Variants in ZNF592 observed in about 807,000 individuals in gnomAD.
The protein encoded by ZNF592 is spinocerebellar ataxia, autosomal recessive 5.
ZNF592 carries 11 observed loss-of-function variants against 80.3 expected under a neutral mutation model. That is an observed-to-expected ratio of 0.14 (90% CI 0.09 to 0.23). The LOEUF is 0.23. Ranked by LOEUF, ZNF592 falls within the 10% of genes least tolerant of loss-of-function variation. The pLI is 1.00. For missense variants in ZNF592, 1,420 were observed against 1,633.9 expected (o/e 0.87, Z 2.26); for synonymous variants, 646 against 640.3 (o/e 1.01, Z -0.13).
At chr15:84,753,763 A>G (rs913337662) in intron 1 of ZNF592, among the ~76,000 whole-genome samples, 5 of 152,268 alleles carry the variant, frequency 3.3e-5, no homozygotes, top group African/African-American at 1.2e-4. Context: ...ATGAGCCCCT[A>G]TGCCTGGCCT....
At chr15:84,766,715 G>A (rs542066267) in intron 2 of ZNF592, among the ~76,000 whole-genome samples, 11 of 111,920 alleles carry the variant, frequency 9.8e-5, no homozygotes, top group African/African-American at 3.5e-4. Context: ...GAGTGTGTGT[G>A]TGTGTGTGTG....
At chr15:84,790,078 C>A in intron 4 of ZNF592, among the ~76,000 whole-genome samples, 1 of 148,918 alleles carries the variant, frequency 6.7e-6, no homozygotes, top group East Asian at 2.0e-4. Flanking sequence ...AGGGAACCCC[C>A]GCCACCCATC....
chr15:84,775,084 GTTTTCT>G (rs919675510), intron 2 of ZNF592, among the ~76,000 whole-genome samples: 2 of 151,328 alleles, frequency 1.3e-5, no homozygotes, highest in African/African-American at 4.9e-5. Context: ...CCTGGCCACT[GTTTTCT>G]TTTTCTTTTT....
At position 84,798,660 on chromosome 15, in the gene ZNF592, C is replaced by G. The variant is rs145494146; in HGVS notation, c.2809C>G (p.Arg937Gly). 3 of 1,613,896 alleles carry G rather than the reference C, an allele frequency of 1.9e-6. No homozygotes were observed. Among genetic ancestry groups the G allele is most frequent in the South Asian group, 1.1e-5 (1 of 91,084 alleles). Residue 937 changes from arginine to glycine, a missense_variant, in exon 8 of 11, where the codon CGC (arginine) becomes GGC (glycine). Around this residue, in one of 7 missense-constraint regions of ZNF592, gnomAD observed 331 missense variants for 347.0 expected, o/e 0.95. Transcript: ENST00000560079. This position sits in a 1 kb window ranked among gnomAD's most constrained non-coding sequence, Gnocchi z 4.5. ...GTCTTCAGCGGACACATCCTCAAGC[C>G]GCCCTGGCTCTCGAGTTCCCACTGA... ...LQSSADTSSS[R>G]PGSRVPTEPP...
In ZNF592 at chr15:84,797,964, G is replaced by T; in HGVS notation, c.2495G>T (p.Cys832Phe). The T allele has an allele frequency of 6.2e-7, 1 of 1,614,192 alleles. No individual in the cohort carries two copies. Among genetic ancestry groups the T allele is most frequent in the Non-Finnish European group, 8.5e-7 (1 of 1,180,046 alleles). Residue 832 changes from cysteine (C) to phenylalanine (F), a missense_variant, in exon 6 of 11, where the codon TGC becomes TTC. Physicochemically the swap from Cys to Phe is radical, Grantham distance 205. Transcript: ENST00000560079. Reference sequence around the variant, plus strand: ...CAGGTTTTCCACAAATGTGCATTCTGCCCCATGGCCTTCAAGACTGCCAGC... The same window carrying T: ...CAGGTTTTCCACAAATGTGCATTCTTCCCCATGGCCTTCAAGACTGCCAGC... ...HCQVFHKCAF[C>F]PMAFKTASST... is the part of the protein sequence containing the mutation.
chr15:84,782,978 T>G lies in ZNF592; in HGVS notation c.303T>G (p.Pro101=). The change falls in exon 4 of 11, where the codon CCT becomes CCG. Residue 101 remains proline (P), a synonymous_variant. Coordinates refer to ENST00000560079, the MANE Select transcript of ZNF592 (RefSeq NM_014630.3). ...ATGGATTCCGGGGCTCAGATCTGCC[T>G]CCAGATCCCCACAACTGTGGGAAAT... The part of the protein sequence containing the change: ...LHNGFRGSDL[P]PDPHNCGKFD... 6.2e-7 allele frequency: 1 copy of G among 1,614,128 alleles called. No individual in the cohort carries two copies. Among genetic ancestry groups the G allele is most frequent in the Non-Finnish European group, 8.5e-7 (1 of 1,180,032 alleles).
chr15:84,794,248 G>A (rs545585565), intron 5 of ZNF592, among the ~76,000 whole-genome samples: 3 of 152,224 alleles, frequency 2.0e-5, no homozygotes, highest in African/African-American at 4.8e-5. Context: ...AATTTTAAAA[G>A]AGGAAAAAAA....
chr15:84,795,062 A>G (rs1023342407), intron 5 of ZNF592, among the ~76,000 whole-genome samples: 1 of 150,508 alleles, frequency 6.6e-6, no homozygotes, highest in Non-Finnish European at 1.5e-5. Context: ...AAAAGCCTAT[A>G]TATGGTTATT....
At chr15:84,785,039 G>A in intron 4 of ZNF592, 144 bp downstream of exon 4, 1 of 1,041,978 alleles carries the variant, frequency 9.6e-7, no homozygotes, top group South Asian at 1.3e-5. Context: ...TGAATATTTA[G>A]TGTTTGGTGT....
rs753367207 is a variant in ZNF592 at position 84,784,110 on chromosome 15, A to C, written c.1435A>C (p.Thr479Pro). The change falls in exon 4 of 11, where the codon ACA becomes CCA. Residue 479 changes from threonine to proline, a missense_variant. By Grantham distance (38) the Thr-to-Pro change is conservative (BLOSUM62 -1). Transcript: ENST00000560079. The surrounding 1 kb of genome is among the most constrained non-coding windows in gnomAD (Gnocchi z 5.8). ...AAAGGGGGCTGCCCCAGGCTCACAG[A>C]CAGGCAAGAAGCAACAGAGCACAGC... ...VPKGAAPGSQ[T>P]GKKQQSTALQ... 4.3e-6 allele frequency: 7 copies of C among 1,614,160 alleles called. No homozygotes were observed. In the Middle Eastern group the frequency reaches 6.6e-4, roughly 152 times the overall value.
intron 3 of ZNF592, among the ~76,000 whole-genome samples, chr15:84,780,039 T>C (rs1157334007): frequency 6.9e-6 from 1 of 145,068 alleles, no homozygotes; most frequent in Non-Finnish European, 1.5e-5. Context: ...CAGGCTGGAG[T>C]GCAGTGGCAA....
chr15:84,800,427 A>T (rs3748375), intron 10 of ZNF592, among the ~76,000 whole-genome samples: 1 of 152,058 alleles, frequency 6.6e-6, no homozygotes, highest in Non-Finnish European at 1.5e-5. Context: ...CCCTTGCCCT[A>T]TGACCTCATC....
intron 1 of ZNF592, among the ~76,000 whole-genome samples, chr15:84,749,657 A>G (rs1898954523): frequency 6.6e-6 from 1 of 152,176 alleles, no homozygotes; most frequent in South Asian, 2.1e-4. Context: ...GCCTGTGCTC[A>G]TGGAGGGCCT....
rs1962504548 is a variant in ZNF592, at chr15:84,783,997, G to A, written c.1322G>A (p.Ser441Asn). 2 of 1,611,048 alleles carry A rather than the reference G, an allele frequency of 1.2e-6. No homozygotes were observed. Among genetic ancestry groups the A allele is most frequent in the East Asian group, 2.2e-5 (1 of 44,808 alleles). ...CCTGAGGCAGGCACAAATTCAGGGA[G>A]CCCCCAGGGGGCCAGGAAAGGGGAC... ...HFPEAGTNSG[S>N]PQGARKGDES... is the part of the protein sequence containing the mutation. Residue 441 changes from serine to asparagine, a missense_variant, in exon 4 of 11, where the codon AGC becomes AAC. Physicochemically the swap from Ser to Asn is conservative, Grantham distance 46. Coordinates refer to ENST00000560079, the MANE Select transcript of ZNF592 (RefSeq NM_014630.3). The surrounding 1 kb of genome is among the most constrained non-coding windows in gnomAD (Gnocchi z 5.0).
At chr15:84,781,414 A>G (rs1488832658) in intron 3 of ZNF592, among the ~76,000 whole-genome samples, 2 of 150,140 alleles carry the variant, frequency 1.3e-5, no homozygotes, top group African/African-American at 4.9e-5. Flanking sequence ...TTGGTCTTAG[A>G]CATTTAAATT....
chr15:84,780,315 AC>A (rs1962384874), intron 3 of ZNF592, among the ~76,000 whole-genome samples: 1 of 152,196 alleles, frequency 6.6e-6, no homozygotes, highest in African/African-American at 2.4e-5. Context: ...GAAAGAAAGA[AC>A]AAAAAAGAAA....
intron 5 of ZNF592, among the ~76,000 whole-genome samples, 157 bp from the exon 6 acceptor site, chr15:84,797,712 A>T (rs1160561484): frequency 6.6e-6 from 1 of 152,192 alleles, no homozygotes; most frequent in African/African-American, 2.4e-5. Flanking sequence ...GACCCTCAGG[A>T]CGTACTTGTC....
chr15:84,796,296 A>ATATATATATATATATAT (rs1567076462), intron 5 of ZNF592, among the ~76,000 whole-genome samples: 33 of 40,082 alleles, frequency 8.2e-4, no homozygotes, highest in South Asian at 2.1e-3. Context: ...TATATATATA[A>ATATATATATATATATAT]AAAAACGAAG....
chr15:84,755,461 C>T (rs987681105), intron 1 of ZNF592, among the ~76,000 whole-genome samples: 1 of 151,846 alleles, frequency 6.6e-6, no homozygotes, highest in African/African-American at 2.4e-5. Flanking sequence ...CCAGAGGTGG[C>T]GTTAAGGGTC....
Sources: allele counts gnomAD v4.1 joint callset (sites outside exome capture counted in the v4.1 genomes callset), GRCh38; gene constraint gnomAD v4.1.1; regional missense constraint gnomAD v4.1.1; non-coding constraint Gnocchi (gnomAD v3.1); transcripts MANE v1.5; gene names NCBI Gene and HGNC (gene_info 2026-07-23, HGNC 2026-07-21).